Variants in APC2 observed in about 807,000 individuals in gnomAD.
The protein encoded by APC2 is adenomatous polyposis coli protein 2.
Under a neutral mutation model 72.5 loss-of-function variants are expected in APC2, and 41 were observed. That is an observed-to-expected ratio of 0.57 (90% confidence interval 0.44 to 0.73). APC2 has a LOEUF of 0.73. APC2 is among the 30% of genes least tolerant of loss of function. The pLI is 0.00. For synonymous variants in APC2, 1,898 were observed against 1,612.0 expected (o/e 1.18, Z -4.25); for missense variants, 3,729 against 3,403.4 (o/e 1.10, Z -2.38).
chr19:1,454,993 C>G (rs867193944), intron 4 of APC2, among the ~76,000 whole-genome samples, 156 bp from the exon 5 acceptor site: 12 of 144,328 alleles, frequency 8.3e-5, no homozygotes, highest in Middle Eastern at 6.9e-3. Flanking sequence ...CCCACCCCCC[C>G]CCCCTTACCC....
chr19:1,447,576 G>A (rs938231244), upstream of APC2, among the ~76,000 whole-genome samples: 2 of 152,044 alleles, frequency 1.3e-5, no homozygotes, highest in Non-Finnish European at 2.9e-5. Context: ...AGGGGGCTGT[G>A]GGGGGTTCTT....
intron 11 of APC2, 109 bp downstream of exon 11, chr19:1,460,429 C>T (rs1168114961): frequency 2.0e-6 from 3 of 1,507,876 alleles, no homozygotes; most frequent in African/African-American, 1.4e-5. Flanking sequence ...GCTGGGGCCA[C>T]TTGTCCCCAA....
intron 1 of APC2, chr19:1,451,430 C>G (rs143741153): frequency 6.6e-6 from 1 of 152,604 alleles, no homozygotes; most frequent in Non-Finnish European, 1.5e-5. Context: ...AGCCCCCAAC[C>G]CCAAGCCTGA....
chr19:1,452,981 C>T lies in APC2; in HGVS notation c.-18-3C>T, dbSNP rs760629406. On this transcript the variant is annotated splice_polypyrimidine_tract_variant and splice_region_variant and intron_variant, in intron 1 of 14. Transcript: ENST00000590469. This position sits in a 1 kb window ranked among gnomAD's most constrained non-coding sequence, Gnocchi z 5.1. ...GCTGAACCCTCTGACCCTGTGATCC[C>T]AGACGCTGCAGGAGCTGAAGATGGC... The T allele has an allele frequency of 1.9e-6, 3 of 1,610,388 alleles. No individual in the cohort carries two copies. The highest frequency in any genetic ancestry group is 2.2e-5 in the South Asian group (2 of 90,884).
chr19:1,468,709 C>A lies in APC2; in HGVS notation c.5408C>A (p.Ala1803Asp). 6.5e-7 allele frequency: 1 copy of A among 1,531,616 alleles called. No individual in the cohort carries two copies. Among genetic ancestry groups the A allele is most frequent in the Non-Finnish European group, 8.8e-7 (1 of 1,133,472 alleles). The allele number at this position is 1,531,616 out of a possible 1,614,324, so 94.9% of individuals were successfully genotyped here. A position where few individuals can be genotyped will look rare whatever the true frequency, so the allele number is the denominator to read the frequency against. Residue 1803 changes from alanine to aspartate, a missense_variant, in exon 15 of 15, where the codon GCC becomes GAC. Physicochemically the swap from Ala to Asp is moderately radical, Grantham distance 126 (BLOSUM62 -2). Transcript: ENST00000590469. ...TACGTCCCCAGCCCGGCACCCCGTG[C>A]CCAGCCCAAAGGGACCCCCGGCCCC... is the stretch of plus-strand genomic sequence containing the variant. ...VIYVPSPAPR[A>D]QPKGTPGPRA...
In APC2 at chr19:1,467,662, A is replaced by G; in HGVS notation, c.4361A>G (p.Gln1454Arg). Residue 1454 changes from glutamine to arginine, a missense_variant, in exon 15 of 15, where the codon CAG becomes CGG. Coordinates refer to ENST00000590469, the MANE Select transcript of APC2 (RefSeq NM_005883.3). ...GGAGGCGCCGGCCGCAGCGCGGAGCAGTCTCGGGGCGCGGGCAAGAACAGA... is the reference window on the plus strand; with the variant it reads ...GGAGGCGCCGGCCGCAGCGCGGAGCGGTCTCGGGGCGCGGGCAAGAACAGA... ...KAGGAGRSAE[Q>R]SRGAGKNRAG... The G allele has an allele frequency of 6.8e-7, 1 of 1,477,002 alleles. No homozygotes were observed. Among genetic ancestry groups the G allele is most frequent in the Non-Finnish European group, 8.9e-7 (1 of 1,122,084 alleles). The allele number at this position is 1,477,002 out of a possible 1,614,324, so 91.5% of individuals were successfully genotyped here. A position where few individuals can be genotyped will look rare whatever the true frequency, so the allele number is the denominator to read the frequency against.
rs148260678 is a variant in APC2, at chr19:1,462,727, T to C, written c.1853+550T>C. Among the ~76,000 whole-genome samples the C allele has an allele frequency of 1.2e-3, 184 of 150,346 alleles. 2 individuals are homozygous for C. In the East Asian group the frequency reaches 0.025, roughly 20 times the overall value. On this transcript the variant is annotated intron_variant, in intron 14 of 14. Coordinates refer to ENST00000590469, the MANE Select transcript of APC2 (RefSeq NM_005883.3). Reference sequence around the variant, plus strand: ...GGCTCACACCTGTAATCCCAGCACTTTGGGAGGCCGAGGCGGGCGGATCAC... The same window carrying C: ...GGCTCACACCTGTAATCCCAGCACTCTGGGAGGCCGAGGCGGGCGGATCAC...
At position 1,460,923 on chromosome 19, in the gene APC2, G is replaced by A. The variant is rs146214470; in HGVS notation, c.1521+66G>A. 1.2e-3 allele frequency: 1,974 copies of A among 1,595,780 alleles called. 14 individuals carry two copies. In the African/African-American group the frequency reaches 0.02, roughly 16 times the overall value. ...TGATAGGCAGAGGCCCCTCCCCAGC[G>A]GTGTGGTGGGCTGGCAGGGGTGTCC... On this transcript the variant is annotated intron_variant, in intron 12 of 14. Transcript: ENST00000590469.
In APC2 at chr19:1,456,348, G is replaced by C; in HGVS notation, c.760G>C (p.Glu254Gln). The change falls in exon 8 of 15, where the codon GAG becomes CAG. Residue 254 changes from glutamate (E) to glutamine (Q), a missense_variant. By Grantham distance (29) the Glu-to-Gln change is conservative. Transcript: ENST00000590469. ...VKSVPVDEDP[E>Q]TEVPTHPEDG... Reference sequence around the variant, plus strand: ...GTCGGTGCCGGTGGACGAGGACCCCGAGACAGAGGTCCCCACACACCCTGA... The same window carrying C: ...GTCGGTGCCGGTGGACGAGGACCCCCAGACAGAGGTCCCCACACACCCTGA... The C allele has an allele frequency of 1.2e-6, 2 of 1,609,474 alleles. No individual in the cohort carries two copies. The highest frequency in any genetic ancestry group is 1.7e-6 in the Non-Finnish European group (2 of 1,178,784).
Position 1,457,162 on chromosome 19 carries a change from C to G in APC2, c.1126C>G (p.Gln376Glu), listed in dbSNP as rs767077932. The G allele has an allele frequency of 1.3e-6, 2 of 1,584,592 alleles. No homozygotes were observed. Among genetic ancestry groups the G allele is most frequent in the Non-Finnish European group, 1.7e-6 (2 of 1,168,110 alleles). ...GATGCGCGTCCTGCACGTGCTGGAG[C>G]AGATCCGGGCCTACTGCGAGACCTG... Reference protein sequence around the residue: ...KEMRVLHVLEQIRAYCETCWD... With the variant: ...KEMRVLHVLEEIRAYCETCWD... The change falls in exon 9 of 15, where the codon CAG becomes GAG. Residue 376 changes from glutamine (Q) to glutamate (E), a missense_variant. Coordinates refer to ENST00000590469, the MANE Select transcript of APC2 (RefSeq NM_005883.3).
At chr19:1,456,736 C>G in intron 8 of APC2, 117 bp from the exon 9 acceptor site, 1 of 1,306,196 alleles carries the variant, frequency 7.7e-7, no homozygotes, top group Non-Finnish European at 1.0e-6. Flanking sequence ...CATCTGTCCC[C>G]CAGGTGGGCG....
In APC2 at chr19:1,472,708, G is replaced by T. The variant is rs984619841; in HGVS notation, c.*2495G>T. 6.6e-6 allele frequency: 1 copy of T among 151,948 alleles called. No homozygotes were observed. Among genetic ancestry groups the T allele is most frequent in the Non-Finnish European group, 1.5e-5 (1 of 68,074 alleles). 9.4% of individuals were successfully genotyped at this position (151,948 alleles called of 1,614,324 possible). On this transcript the variant is annotated 3_prime_UTR_variant, in exon 15 of 15. Transcript: ENST00000590469. ...GTCTCCAGAAGGGGACAGGCAGTCCGCGGTCTCTGGACAATCAACTCAAGG... is the reference window on the plus strand; with the variant it reads ...GTCTCCAGAAGGGGACAGGCAGTCCTCGGTCTCTGGACAATCAACTCAAGG...
Position 1,452,735 on chromosome 19 carries a change from G to A in APC2, c.-18-249G>A, listed in dbSNP as rs777958810. On this transcript the variant is annotated intron_variant, in intron 1 of 14. Coordinates refer to ENST00000590469, the MANE Select transcript of APC2 (RefSeq NM_005883.3). The surrounding 1 kb of genome is among the most constrained non-coding windows in gnomAD (Gnocchi z 5.1). ...CAGTTGGACGTTCAGCTGTCTGTAC[G>A]TCTGTCTGCTGGCCCCTCTGTCTCC... 4.9e-4 allele frequency: 251 copies of A among 508,032 alleles called. No homozygotes were observed. Among genetic ancestry groups the A allele is most frequent in the Non-Finnish European group, 7.6e-4 (214 of 282,436 alleles). The allele number at this position is 508,032 out of a possible 1,614,324, so 31.5% of individuals were successfully genotyped here.
intron 14 of APC2, among the ~76,000 whole-genome samples, chr19:1,463,701 G>A (rs2083962290): frequency 6.6e-6 from 1 of 152,060 alleles, no homozygotes; most frequent in Non-Finnish European, 1.5e-5. Context: ...AGTGACCTGT[G>A]ATCACGCTAC....
chr19:1,470,307 C>T lies in APC2; in HGVS notation c.*94C>T, dbSNP rs1048217131. ...TGCGCTGTAGACGTCCCCCATAGGTCGCCCCAGGGCCTCTGCCCACCCGAG... is the reference window on the plus strand; with the variant it reads ...TGCGCTGTAGACGTCCCCCATAGGTTGCCCCAGGGCCTCTGCCCACCCGAG... On this transcript the variant is annotated 3_prime_UTR_variant, in exon 15 of 15. Transcript: ENST00000590469. The T allele has an allele frequency of 2.8e-6, 4 of 1,408,870 alleles. No individual in the cohort carries two copies. In the African/African-American group the frequency reaches 6.0e-5, roughly 21 times the overall value. The allele number at this position is 1,408,870 out of a possible 1,614,324, so 87.3% of individuals were successfully genotyped here.
chr19:1,458,430 G>A (rs184006844), intron 10 of APC2: 33 of 211,750 alleles, frequency 1.6e-4, no homozygotes, highest in Admixed American at 1.1e-3. Flanking sequence ...TCTTCTCTTT[G>A]TCAATATAAA....
At chr19:1,458,412 T>C (rs921953143) in intron 10 of APC2, 1 of 247,844 alleles carries the variant, frequency 4.0e-6, no homozygotes, top group Admixed American at 5.1e-5. Context: ...TTTGAGGACA[T>C]TGCAACATCT....
Position 1,457,243 on chromosome 19 carries a change from G to T in APC2, c.1207G>T (p.Ala403Ser). 3.3e-6 allele frequency: 5 copies of T among 1,525,330 alleles called. No individual in the cohort carries two copies. The highest frequency in any genetic ancestry group is 4.4e-6 in the Non-Finnish European group (5 of 1,140,790). The allele number at this position is 1,525,330 out of a possible 1,614,324, so 94.5% of individuals were successfully genotyped here. ...GCCCGAGGGAGGTGGCGCCGGCAGC[G>T]GTGAGTGCCTGGCCTGGTGGGCCCC... ...GGPEGGGAGS[A>S]PIPIEPQICQ... The change falls in exon 9 of 15, where the codon GCC becomes TCC. Residue 403 changes from alanine (A) to serine (S), a missense_variant and splice_region_variant. Physicochemically the swap from Ala to Ser is moderately conservative, Grantham distance 99 (BLOSUM62 1). Transcript: ENST00000590469.
intron 10 of APC2, among the ~76,000 whole-genome samples, chr19:1,459,884 CA>C (rs1325227871): frequency 6.6e-6 from 1 of 152,200 alleles, no homozygotes; most frequent in Non-Finnish European, 1.5e-5. Flanking sequence ...AAGAACATTC[CA>C]GGCTGAGGGA....
Sources: gnomAD v4.1 joint callset for allele counts (sites outside exome capture counted in the v4.1 genomes callset) on GRCh38, gnomAD v4.1.1 for gene constraint, Gnocchi (gnomAD v3.1) non-coding constraint, MANE v1.5 for transcripts, NCBI Gene and HGNC (gene_info 2026-07-23, HGNC 2026-07-21) for gene names.